FSTL4: variants seen among roughly 807,000 people sequenced by gnomAD.
The protein encoded by FSTL4 is follistatin like 4, also known as follistatin-related protein 4.
A neutral mutation model predicts 78.2 loss-of-function variants in FSTL4; 28 were observed. The ratio of observed to expected loss-of-function variants is 0.36; its 90% CI spans 0.27 to 0.49. The LOEUF is 0.49. FSTL4 is among the 20% of genes least tolerant of loss of function. FSTL4 has a pLI of 0.98. For missense variants in FSTL4, 922 were observed against 1,084.9 expected (o/e 0.85, Z 2.11); for synonymous variants, 422 against 440.5 (o/e 0.96, Z 0.53).
At chr5:133,649,009 T>C in the FSTL4 span, among the ~76,000 whole-genome samples, 1 of 152,166 alleles carries the variant, frequency 6.6e-6, no homozygotes, top group Non-Finnish European at 1.5e-5. Flanking sequence ...AAAAATCCTC[T>C]TTGCTCCACC....
chr5:133,246,240 A>G (rs73788013), intron 7 of FSTL4, among the ~76,000 whole-genome samples: 5,053 of 152,188 alleles, frequency 0.033, 259 homozygotes, highest in African/African-American at 0.12. Context: ...CCACTGAGAC[A>G]CCTCAGGCTG....
chr5:133,763,280 T>A, the FSTL4 span, among the ~76,000 whole-genome samples: 1 of 152,210 alleles, frequency 6.6e-6, no homozygotes, highest in African/African-American at 2.4e-5. Flanking sequence ...TGCTCTTCCA[T>A]TGAGAGTATG....
the FSTL4 span, among the ~76,000 whole-genome samples, chr5:133,727,438 T>C: frequency 4.6e-5 from 7 of 152,174 alleles, no homozygotes; most frequent in East Asian, 1.4e-3. Context: ...CAGGAGAAAA[T>C]CATCAACATT....
chr5:133,534,160 T>A lies in FSTL4; in HGVS notation c.160+33026A>T, dbSNP rs534375918. ...GGTTGTATTAAAAAAAACCTGATTG[T>A]AAAAAAAAAAAACCAAATAAGTAAA... On this transcript the variant is annotated intron_variant, in intron 3 of 15. Coordinates refer to ENST00000265342, the MANE Select transcript of FSTL4 (RefSeq NM_015082.2). Among the ~76,000 whole-genome samples, 355 of 144,534 alleles carry A rather than the reference T, an allele frequency of 2.5e-3. 2 individuals are homozygous for A. The highest frequency in any genetic ancestry group is 6.4e-3 in the East Asian group (32 of 4,978). The allele number at this position is 144,534 out of a possible 152,430, so 94.8% of individuals were successfully genotyped here.
intron 3 of FSTL4, among the ~76,000 whole-genome samples, chr5:133,538,844 T>G (rs1474329092): frequency 1.3e-5 from 2 of 152,194 alleles, no homozygotes; most frequent in African/African-American, 4.8e-5. Context: ...GGGTCCCTCA[T>G]GTGGTTAGAG....
At chr5:133,620,567 T>C in the FSTL4 span, among the ~76,000 whole-genome samples, 9,750 of 152,274 alleles carry the variant, frequency 0.064, 342 homozygotes, top group Non-Finnish European at 0.073. Context: ...GTTTCTAGTC[T>C]TTAAACACAG....
chr5:133,402,026 A>T (rs560264086), intron 3 of FSTL4, among the ~76,000 whole-genome samples: 20 of 152,204 alleles, frequency 1.3e-4, no homozygotes, highest in Middle Eastern at 6.8e-3. Context: ...TAGCCGAGGT[A>T]GGGAGACCAG....
intron 6 of FSTL4, among the ~76,000 whole-genome samples, chr5:133,270,532 C>A (rs190130651): frequency 6.6e-6 from 1 of 152,144 alleles, no homozygotes; most frequent in African/African-American, 2.4e-5. Context: ...AAATACATTC[C>A]GGACTAAATT....
chr5:133,209,393 T>TGAGA (rs150058257), intron 14 of FSTL4, among the ~76,000 whole-genome samples: 1 of 150,712 alleles, frequency 6.6e-6, no homozygotes. Context: ...CCTTGGGTTC[T>TGAGA]GAGAGAGAGA....
intron 11 of FSTL4, among the ~76,000 whole-genome samples, chr5:133,221,625 C>T (rs1751108118): frequency 6.6e-6 from 1 of 152,142 alleles, no homozygotes; most frequent in South Asian, 2.1e-4. Context: ...TCTGAGGCCA[C>T]CCGTCTCTGT....
At chr5:133,732,804 C>G in the FSTL4 span, among the ~76,000 whole-genome samples, 1 of 152,290 alleles carries the variant, frequency 6.6e-6, no homozygotes, top group South Asian at 2.1e-4. Flanking sequence ...GCTCTCCATC[C>G]CCACTTCCAG....
chr5:133,287,414 G>C (rs1316853200), intron 6 of FSTL4, among the ~76,000 whole-genome samples: 1 of 151,900 alleles, frequency 6.6e-6, no homozygotes, highest in East Asian at 1.9e-4. Flanking sequence ...ATGCTTTGTA[G>C]GTGACTATTC....
At chr5:133,712,999 T>C in the FSTL4 span, among the ~76,000 whole-genome samples, 49 of 152,272 alleles carry the variant, frequency 3.2e-4, no homozygotes, top group African/African-American at 1.0e-3. Flanking sequence ...CATCCTACTC[T>C]TGACAGCATA....
the FSTL4 span, among the ~76,000 whole-genome samples, chr5:133,657,759 G>GTTTTTTTT: frequency 1.8e-5 from 2 of 111,814 alleles, no homozygotes; most frequent in South Asian, 3.0e-4. Flanking sequence ...CTAGCTTACT[G>GTTTTTTTT]TTTTTTGTTT....
intron 3 of FSTL4, among the ~76,000 whole-genome samples, chr5:133,506,816 G>T (rs1443315707): frequency 6.6e-5 from 10 of 152,170 alleles, no homozygotes; most frequent in Non-Finnish European, 1.3e-4. Flanking sequence ...ATATTTGTTG[G>T]ATAAATATTT....
At chr5:133,685,951 C>T in the FSTL4 span, among the ~76,000 whole-genome samples, 1 of 152,178 alleles carries the variant, frequency 6.6e-6, no homozygotes, top group African/African-American at 2.4e-5. Context: ...GGCATCATTT[C>T]CCTGGCAAGT....
chr5:133,415,279 T>C (rs1427196849), intron 3 of FSTL4, among the ~76,000 whole-genome samples: 1 of 152,184 alleles, frequency 6.6e-6, no homozygotes, highest in Non-Finnish European at 1.5e-5. Context: ...CCTGAGATGG[T>C]AGCATCCGAA....
At chr5:133,802,246 C>T in the FSTL4 span, among the ~76,000 whole-genome samples, 1 of 152,118 alleles carries the variant, frequency 6.6e-6, no homozygotes. Context: ...TTGACCAAAT[C>T]GATGCATAAT....
chr5:133,485,871 C>T (rs1758122147), intron 3 of FSTL4, among the ~76,000 whole-genome samples: 1 of 152,370 alleles, frequency 6.6e-6, no homozygotes, highest in African/African-American at 2.4e-5. Flanking sequence ...AGTTATCTGA[C>T]ACATTACTTG....
Sources: gnomAD v4.1 joint callset for allele counts (sites outside exome capture counted in the v4.1 genomes callset) on GRCh38, gnomAD v4.1.1 for gene constraint, MANE v1.5 for transcripts, NCBI Gene and HGNC (gene_info 2026-07-23, HGNC 2026-07-21) for gene names.